The following AGBL1 variants were observed in gnomAD, a reference collection of about 807,000 sequenced individuals.
The protein encoded by AGBL1 is AGBL carboxypeptidase 1.
In AGBL1, 130 loss-of-function variants were observed where a neutral mutation model predicts 118.9. The observed-to-expected ratio is 1.09, with a 90% CI of 0.95 to 1.26. The LOEUF is 1.26. Ranked by LOEUF, AGBL1 falls within the 50% of genes most tolerant of loss-of-function variation. The probability of loss-of-function intolerance (pLI) is 0.00; values close to 1 mark genes in which losing one functional copy is unlikely to be tolerated. For missense variants in AGBL1, 1,584 were observed against 1,298.1 expected (o/e 1.22, Z -3.38); for synonymous variants, 555 against 478.9 (o/e 1.16, Z -2.08).
chr15:86,397,646 G>C, intron 18 of AGBL1, 100 bp downstream of exon 18: 1 of 1,111,168 alleles, frequency 9.0e-7, no homozygotes, highest in African/African-American at 1.6e-5. Flanking sequence ...TCGGTACTCT[G>C]TCGAGAATAA....
chr15:86,800,025 G>C (rs1192635619), intron 22 of AGBL1, among the ~76,000 whole-genome samples: 1 of 151,910 alleles, frequency 6.6e-6, no homozygotes, highest in African/African-American at 2.4e-5. Flanking sequence ...GCGTCAAGTG[G>C]TTTTTCATTA....
chr15:86,172,539 G>C (rs571473463), intron 5 of AGBL1, among the ~76,000 whole-genome samples: 1 of 152,068 alleles, frequency 6.6e-6, no homozygotes, highest in South Asian at 2.1e-4. Context: ...ACTATCATTC[G>C]ACTTTCATCC....
intron 5 of AGBL1, among the ~76,000 whole-genome samples, chr15:86,205,974 C>T (rs1304197130): frequency 6.6e-6 from 1 of 152,130 alleles, no homozygotes; most frequent in South Asian, 2.1e-4. Context: ...GCTATCCCTC[C>T]CCCTGCCCGC....
intron 23 of AGBL1, chr15:86,946,126 G>A (rs978281674): frequency 2.6e-5 from 4 of 152,144 alleles, no homozygotes; most frequent in Non-Finnish European, 5.9e-5. Context: ...TTCTTTCAAA[G>A]ACAGCAACCT....
At chr15:86,391,181 TGTAAC>T (rs1392007377) in intron 17 of AGBL1, among the ~76,000 whole-genome samples, 2 of 152,124 alleles carry the variant, frequency 1.3e-5, no homozygotes, top group Admixed American at 6.6e-5. Context: ...TTTATTGACT[TGTAAC>T]ATAAAATTGG....
chr15:86,855,547 A>G (rs781326373), intron 22 of AGBL1, among the ~76,000 whole-genome samples: 8 of 152,186 alleles, frequency 5.3e-5, no homozygotes, highest in Non-Finnish European at 1.2e-4. Context: ...TATCAGGCAG[A>G]TTTCAGTATC....
intron 5 of AGBL1, among the ~76,000 whole-genome samples, chr15:86,202,994 G>A (rs756846333): frequency 3.7e-4 from 56 of 152,136 alleles, no homozygotes; most frequent in Non-Finnish European, 7.2e-4. Context: ...TGAGGCTGGA[G>A]GATTGCATGA....
At chr15:86,742,884 G>C (rs931822861) in intron 22 of AGBL1, among the ~76,000 whole-genome samples, 4 of 152,162 alleles carry the variant, frequency 2.6e-5, no homozygotes, top group African/African-American at 9.7e-5. Context: ...GCTTAGTTCA[G>C]CAAATAATGA....
intron 22 of AGBL1, among the ~76,000 whole-genome samples, chr15:86,851,187 G>A (rs1254781801): frequency 6.6e-6 from 1 of 152,082 alleles, no homozygotes; most frequent in Non-Finnish European, 1.5e-5. Flanking sequence ...TGGGAAAGAG[G>A]GCAAGAAGTG....
intron 17 of AGBL1, among the ~76,000 whole-genome samples, chr15:86,344,150 G>A (rs777327303): frequency 1.3e-5 from 2 of 152,232 alleles, no homozygotes; most frequent in Non-Finnish European, 2.9e-5. Context: ...GATGGGCATA[G>A]CATGGGCTGG....
chr15:86,971,006 TG>T (rs1481949331), intron 23 of AGBL1, among the ~76,000 whole-genome samples: 8 of 152,062 alleles, frequency 5.3e-5, no homozygotes, highest in African/African-American at 1.9e-4. Context: ...TGTGTGTAGA[TG>T]ATATGCAAAT....
intron 23 of AGBL1, among the ~76,000 whole-genome samples, chr15:86,976,607 T>A (rs549695904): frequency 6.6e-6 from 1 of 152,166 alleles, no homozygotes; most frequent in African/African-American, 2.4e-5. Flanking sequence ...ACTGCCAAAT[T>A]GTCTTTAAAA....
intron 21 of AGBL1, among the ~76,000 whole-genome samples, chr15:86,580,664 A>G (rs939520477): frequency 6.6e-6 from 1 of 152,086 alleles, no homozygotes; most frequent in African/African-American, 2.4e-5. Flanking sequence ...AGTTAGGGTA[A>G]TTAGGGCATT....
chr15:86,380,786 A>G (rs2081104094), intron 17 of AGBL1, among the ~76,000 whole-genome samples: 1 of 152,188 alleles, frequency 6.6e-6, no homozygotes, highest in African/African-American at 2.4e-5. Flanking sequence ...AAAGCTACTC[A>G]TTCTCATTTG....
chr15:86,836,276 T>G (rs956232109), intron 22 of AGBL1, among the ~76,000 whole-genome samples: 2 of 152,168 alleles, frequency 1.3e-5, no homozygotes, highest in African/African-American at 4.8e-5. Flanking sequence ...TAGAACCTGA[T>G]GAAATCAAGG....
chr15:86,206,732 T>C (rs1195147256), intron 5 of AGBL1, among the ~76,000 whole-genome samples: 5 of 152,252 alleles, frequency 3.3e-5, no homozygotes, highest in African/African-American at 9.6e-5. Flanking sequence ...ATGGGTAGAT[T>C]GCAAAAATTT....
At chr15:86,936,096 GC>G (rs1358051205) in intron 23 of AGBL1, among the ~76,000 whole-genome samples, 2 of 152,204 alleles carry the variant, frequency 1.3e-5, no homozygotes, top group African/African-American at 2.4e-5. Context: ...GGCAGGTGCA[GC>G]CCTGGTGCCC....
chr15:86,244,171 C>G (rs1019959403), intron 6 of AGBL1, among the ~76,000 whole-genome samples: 9 of 151,764 alleles, frequency 5.9e-5, no homozygotes, highest in Non-Finnish European at 1.3e-4. Context: ...CAAGGAAAAT[C>G]TTAGGAAAAC....
At chr15:86,987,408 T>A (rs1449408406) in intron 23 of AGBL1, among the ~76,000 whole-genome samples, 1 of 152,244 alleles carries the variant, frequency 6.6e-6, no homozygotes, top group Non-Finnish European at 1.5e-5. Flanking sequence ...AGGTAGATGT[T>A]TTAGAATTTT....
Sources: allele counts gnomAD v4.1 joint callset (sites outside exome capture counted in the v4.1 genomes callset), GRCh38; gene constraint gnomAD v4.1.1; transcripts MANE v1.5; gene names NCBI Gene and HGNC (gene_info 2026-07-23, HGNC 2026-07-21).